Variants in GFRA1 observed in about 807,000 individuals in gnomAD.
GFRA1 encodes GDNF family receptor alpha-1.
GFRA1 carries 16 observed loss-of-function variants against 51.6 expected under a neutral mutation model. The observed-to-expected ratio is 0.31, with a 90% CI of 0.21 to 0.47. The LOEUF is 0.47. Ranked by LOEUF, GFRA1 falls within the 20% of genes least tolerant of loss-of-function variation. GFRA1 has a pLI of 1.00. For synonymous variants in GFRA1, 270 were observed against 241.3 expected (o/e 1.12, Z -1.10); for missense variants, 530 against 594.3 (o/e 0.89, Z 1.13).
chr10:116,191,844 T>G (rs1020053385), intron 5 of GFRA1, among the ~76,000 whole-genome samples: 2 of 151,682 alleles, frequency 1.3e-5, no homozygotes, highest in Non-Finnish European at 2.9e-5. Context: ...CTGGCCAACA[T>G]GGTGAAACCC....
intron 9 of GFRA1, among the ~76,000 whole-genome samples, chr10:116,080,487 C>G (rs1475923747): frequency 1.3e-5 from 2 of 152,232 alleles, no homozygotes; most frequent in South Asian, 2.1e-4. Flanking sequence ...TCCCCAGTAA[C>G]CTATGGAAAT....
intron 5 of GFRA1, among the ~76,000 whole-genome samples, chr10:116,208,465 G>A (rs1174080818): frequency 6.6e-6 from 1 of 152,170 alleles, no homozygotes; most frequent in Non-Finnish European, 1.5e-5. Context: ...GTCATGCCCT[G>A]TGTTTGAGGG....
chr10:116,261,643 A>G (rs1168972428), intron 4 of GFRA1, among the ~76,000 whole-genome samples: 1 of 152,246 alleles, frequency 6.6e-6, no homozygotes, highest in African/African-American at 2.4e-5. Flanking sequence ...CATACTTTAT[A>G]AAGGTTATGA....
At chr10:116,147,413 C>T (rs1044501245) in intron 5 of GFRA1, among the ~76,000 whole-genome samples, 3 of 152,114 alleles carry the variant, frequency 2.0e-5, no homozygotes, top group African/African-American at 7.2e-5. Flanking sequence ...GTTCACACTG[C>T]ACCATCTCAT....
At chr10:116,099,282 C>T (rs533715508) in intron 6 of GFRA1, among the ~76,000 whole-genome samples, 1 of 152,268 alleles carries the variant, frequency 6.6e-6, no homozygotes, top group East Asian at 1.9e-4. Context: ...ACCACGGTAA[C>T]CAGCAAACAC....
chr10:116,146,757 A>G (rs1958816526), intron 5 of GFRA1, among the ~76,000 whole-genome samples: 1 of 152,266 alleles, frequency 6.6e-6, no homozygotes, highest in African/African-American at 2.4e-5. Context: ...GACCTGTCCA[A>G]TCCTGCTGGA....
At position 116,272,860 on chromosome 10, in the gene GFRA1, C is replaced by T; in HGVS notation, c.-247+303G>A. 6.6e-6 allele frequency: 1 copy of T among 152,624 alleles called. No homozygotes were observed. The highest frequency in any genetic ancestry group is 1.5e-5 in the Non-Finnish European group (1 of 68,344). The allele number at this position is 152,624 out of a possible 1,614,324, so 9.5% of individuals were successfully genotyped here. A position where few individuals can be genotyped will look rare whatever the true frequency, so the allele number is the denominator to read the frequency against. ...CTGAAACCCGGTTCCTGCGCCCCTA[C>T]CCCCTACCCGCCGCGCGTCCTCGGC... On this transcript the variant is annotated intron_variant, in intron 1 of 10. Coordinates refer to ENST00000355422, the MANE Select transcript of GFRA1 (RefSeq NM_005264.8). This position sits in a 1 kb window ranked among gnomAD's most constrained non-coding sequence, Gnocchi z 4.4.
intron 9 of GFRA1, among the ~76,000 whole-genome samples, chr10:116,083,563 A>G (rs1276299615): frequency 1.3e-5 from 2 of 152,226 alleles, no homozygotes; most frequent in African/African-American, 4.8e-5. Flanking sequence ...GTCTGCTGGC[A>G]CAAATGATTT....
At chr10:116,242,151 C>T (rs1266845005) in intron 4 of GFRA1, among the ~76,000 whole-genome samples, 3 of 22,330 alleles carry the variant, frequency 1.3e-4, no homozygotes, top group African/African-American at 1.5e-4. Flanking sequence ...TGCTTCATCT[C>T]TCTATTCTTG....
In GFRA1 at chr10:116,199,081, C is replaced by G. The variant is rs535751700; in HGVS notation, c.433+12550G>C. ...GTAGCTGGAAGCGGCCGGGACAGAT[C>G]CTCTTCTAGAGCCTTCAGAGAGAGC... On this transcript the variant is annotated intron_variant, in intron 5 of 10. Coordinates refer to ENST00000355422, the MANE Select transcript of GFRA1 (RefSeq NM_005264.8). Among the ~76,000 whole-genome samples, 14 of 152,290 alleles carry G rather than the reference C, an allele frequency of 9.2e-5. No individual in the cohort carries two copies. The South Asian group carries it at 2.9e-3, about 32-fold the overall frequency.
chr10:116,098,252 T>G lies in GFRA1; in HGVS notation c.771-1488A>C. 1.3e-5 allele frequency among the ~76,000 whole-genome samples: 2 copies of G among 152,228 alleles called. 1 individual carries two copies. The highest frequency in any genetic ancestry group is 2.9e-5 in the Non-Finnish European group (2 of 68,038). ...GGGCCATGTGCCGAAGCTAAGTGCTTTGGCAAAATCCTGCGAATGTGGCTG... is the reference window on the plus strand; with the variant it reads ...GGGCCATGTGCCGAAGCTAAGTGCTGTGGCAAAATCCTGCGAATGTGGCTG... On this transcript the variant is annotated intron_variant, in intron 6 of 10. Transcript: ENST00000355422.
chr10:116,142,866 A>T (rs533879892), intron 5 of GFRA1, among the ~76,000 whole-genome samples: 36 of 152,308 alleles, frequency 2.4e-4, no homozygotes, highest in Admixed American at 2.2e-3. Flanking sequence ...TCCAACAGGG[A>T]CTAGACTCCT....
intron 5 of GFRA1, among the ~76,000 whole-genome samples, chr10:116,157,184 A>G (rs1959230822): frequency 6.6e-6 from 1 of 152,230 alleles, no homozygotes; most frequent in Non-Finnish European, 1.5e-5. Flanking sequence ...GTGAGTGGAC[A>G]GTGAAGTCTG....
At chr10:116,226,580 C>G (rs1042069218) in intron 4 of GFRA1, among the ~76,000 whole-genome samples, 1 of 151,746 alleles carries the variant, frequency 6.6e-6, no homozygotes, top group Non-Finnish European at 1.5e-5. Flanking sequence ...CTTTTTGGCA[C>G]CAGGGACTGG....
At position 116,062,738 on chromosome 10, in the gene GFRA1, C is replaced by T. The variant is rs924170879; in HGVS notation, c.*1660G>A. The stretch of plus-strand genomic sequence containing the variant: ...TGTTGGAGAAAAGTGGCCACCAGTA[C>T]TCGATCATTGTAGATTCGGAATCTC... On this transcript the variant is annotated 3_prime_UTR_variant, in exon 11 of 11. Coordinates refer to ENST00000355422, the MANE Select transcript of GFRA1 (RefSeq NM_005264.8). 6.6e-6 allele frequency: 1 copy of T among 152,222 alleles called. No individual in the cohort carries two copies. Among genetic ancestry groups the T allele is most frequent in the African/African-American group, 2.4e-5 (1 of 41,458 alleles). The allele number at this position is 152,222 out of a possible 1,614,324, so 9.4% of individuals were successfully genotyped here.
At chr10:116,114,188 C>T (rs1054794294) in intron 6 of GFRA1, among the ~76,000 whole-genome samples, 24 of 152,170 alleles carry the variant, frequency 1.6e-4, no homozygotes, top group Non-Finnish European at 2.1e-4. Context: ...TTCACAGTTA[C>T]TCCAGGTCAC....
intron 6 of GFRA1, among the ~76,000 whole-genome samples, chr10:116,102,519 A>T (rs1392205352): frequency 3.3e-5 from 5 of 152,172 alleles, no homozygotes; most frequent in Non-Finnish European, 4.4e-5. Context: ...CATACCTGAG[A>T]CTGGATAATC....
chr10:116,238,115 A>C (rs1484312963), intron 4 of GFRA1, among the ~76,000 whole-genome samples: 3 of 152,194 alleles, frequency 2.0e-5, no homozygotes, highest in Non-Finnish European at 4.4e-5. Context: ...TCAGTCTTCC[A>C]ATAAATTTAA....
chr10:116,235,405 T>C (rs577469736), intron 4 of GFRA1, among the ~76,000 whole-genome samples: 10 of 151,744 alleles, frequency 6.6e-5, no homozygotes, highest in Non-Finnish European at 1.3e-4. Flanking sequence ...GTATTGACAA[T>C]ATCTGATTGG....
Sources: allele counts gnomAD v4.1 joint callset (sites outside exome capture counted in the v4.1 genomes callset), GRCh38; gene constraint gnomAD v4.1.1; non-coding constraint Gnocchi (gnomAD v3.1); transcripts MANE v1.5; gene names NCBI Gene and HGNC (gene_info 2026-07-23, HGNC 2026-07-21).